SLC15A2: variants seen among roughly 807,000 people sequenced by gnomAD.
SLC15A2 encodes the protein kidney H(+)/peptide cotransporter.
SLC15A2 carries 77 observed loss-of-function variants against 95.5 expected under a neutral mutation model. The observed-to-expected ratio is 0.81, with a 90% CI of 0.67 to 0.97. SLC15A2 has a LOEUF of 0.97. Among genes scored for constraint, SLC15A2 ranks in the 50% least tolerant of loss-of-function variants. SLC15A2 has a pLI of 0.00. For missense variants in SLC15A2, 893 were observed against 874.4 expected, an observed-to-expected ratio of 1.02 and a Z score of -0.27; for synonymous variants, 306 against 306.9, an observed-to-expected ratio of 1.00 and a Z score of 0.03.
intron 6 of SLC15A2, 126 bp from the exon 7 acceptor site, chr3:121,915,490 G>T: frequency 1.2e-6 from 1 of 813,836 alleles, no homozygotes; most frequent in South Asian, 1.6e-5. Flanking sequence ...TAGGTGATGG[G>T]AGGAAAGAGG....
At chr3:121,916,199 T>C (rs947275172) in intron 7 of SLC15A2, among the ~76,000 whole-genome samples, 1 of 152,170 alleles carries the variant, frequency 6.6e-6, no homozygotes, top group Non-Finnish European at 1.5e-5. Context: ...GGTCTGCCCT[T>C]GAGTAAAGAG....
At chr3:121,910,825 A>G (rs768205906) in intron 3 of SLC15A2, among the ~76,000 whole-genome samples, 11 of 152,204 alleles carry the variant, frequency 7.2e-5, no homozygotes, top group Non-Finnish European at 1.5e-4. Context: ...ATATGTTCTT[A>G]CTGGAGTTCC....
Position 121,941,790 on chromosome 3 carries a change from T to C in SLC15A2, c.*783T>C, listed in dbSNP as rs1710468614. On this transcript the variant is annotated 3_prime_UTR_variant, in exon 22 of 22. Transcript: ENST00000489711. Reference sequence around the variant, plus strand: ...CCAGTCATTCTTTTACAGAGTACATTCTTCTTAGCCTCTATGGCGCTGGTC... The same window carrying C: ...CCAGTCATTCTTTTACAGAGTACATCCTTCTTAGCCTCTATGGCGCTGGTC... 1.3e-5 allele frequency: 2 copies of C among 152,330 alleles called. No individual in the cohort carries two copies. The highest frequency in any genetic ancestry group is 4.1e-4 in the South Asian group (2 of 4,828). 9.4% of individuals were successfully genotyped at this position (152,330 alleles called of 1,614,324 possible). A position where few individuals can be genotyped will look rare whatever the true frequency, so the allele number is the denominator to read the frequency against.
intron 17 of SLC15A2, among the ~76,000 whole-genome samples, chr3:121,930,026 TG>T (rs1169803444): frequency 6.6e-6 from 1 of 152,218 alleles, no homozygotes; most frequent in Non-Finnish European, 1.5e-5. Flanking sequence ...CATAATAACT[TG>T]CTTTTGAATA....
Position 121,939,395 on chromosome 3 carries a change from C to A in SLC15A2, c.1808C>A (p.Ala603Asp). 6.3e-7 allele frequency: 1 copy of A among 1,580,132 alleles called. No individual in the cohort carries two copies. The highest frequency in any genetic ancestry group is 8.6e-7 in the Non-Finnish European group (1 of 1,163,842). ...GCCTGGAAGATTGAAGACATTCCAGCCAACAAAATGTCCATTGCGTGGCAG... is the reference window on the plus strand; with the variant it reads ...GCCTGGAAGATTGAAGACATTCCAGACAACAAAATGTCCATTGCGTGGCAG... ...LQAWKIEDIP[A>D]NKMSIAWQLP... The change falls in exon 20 of 22, where the codon GCC becomes GAC. Residue 603 changes from alanine (A) to aspartate (D), a missense_variant. Coordinates refer to ENST00000489711, the MANE Select transcript of SLC15A2 (RefSeq NM_021082.4).
intron 2 of SLC15A2, 47 bp from the exon 3 acceptor site, chr3:121,897,341 T>A (rs747486987): frequency 1.9e-6 from 3 of 1,596,594 alleles, no homozygotes; most frequent in Non-Finnish European, 2.6e-6. Context: ...CTTTAATGCA[T>A]CTATCTTGTT....
intron 7 of SLC15A2, among the ~76,000 whole-genome samples, chr3:121,916,746 G>T (rs1185614747): frequency 6.6e-6 from 1 of 152,104 alleles, no homozygotes; most frequent in Admixed American, 6.6e-5. Context: ...GTCATTATTA[G>T]TCAGCAGCTT....
At chr3:121,940,553 C>G in intron 21 of SLC15A2, 65 bp downstream of exon 21, 5 of 1,320,212 alleles carry the variant, frequency 3.8e-6, no homozygotes, top group Non-Finnish European at 5.4e-6. Context: ...TCTCTTCTCC[C>G]TTTCCCCCAT....
chr3:121,926,915 G>A (rs1232396609), intron 13 of SLC15A2, among the ~76,000 whole-genome samples: 1 of 152,254 alleles, frequency 6.6e-6, no homozygotes, highest in Non-Finnish European at 1.5e-5. Context: ...AGTCAAAGGA[G>A]ATTATTCTGG....
At chr3:121,912,666 G>T (rs188667884) in intron 4 of SLC15A2, among the ~76,000 whole-genome samples, 3 of 152,004 alleles carry the variant, frequency 2.0e-5, no homozygotes, top group Non-Finnish European at 2.9e-5. Flanking sequence ...GTCCTTAAAG[G>T]TCTTTCCATT....
chr3:121,900,072 T>C lies in SLC15A2; in HGVS notation c.335+2543T>C, dbSNP rs530306711. On this transcript the variant is annotated intron_variant, in intron 3 of 21. Transcript: ENST00000489711. The stretch of plus-strand genomic sequence containing the variant: ...CACTCTTTCCTGAGTGTAAGCATTT[T>C]CCCAGGTTATAACTTTTACCCTCTT... Among the ~76,000 whole-genome samples the C allele has an allele frequency of 7.4e-4, 113 of 152,318 alleles. 1 individual carries two copies. The highest frequency in any genetic ancestry group is 4.6e-3 in the South Asian group (22 of 4,830).
intron 7 of SLC15A2, among the ~76,000 whole-genome samples, chr3:121,918,090 G>C (rs1384124953): frequency 1.3e-5 from 2 of 152,208 alleles, no homozygotes; most frequent in Non-Finnish European, 2.9e-5. Context: ...ATAATGTAGA[G>C]AAAGGATTGT....
rs149169862 is a variant in SLC15A2 at position 121,908,816 on chromosome 3, A to T, written c.336-2758A>T. The stretch of plus-strand genomic sequence containing the variant: ...ACATTAACTTGTTCATGATAAAACC[A>T]AAGGAATGCTGGATTATGAGTTAAA... On this transcript the variant is annotated intron_variant, in intron 3 of 21. Coordinates refer to ENST00000489711, the MANE Select transcript of SLC15A2 (RefSeq NM_021082.4). Among the ~76,000 whole-genome samples, 148 of 152,250 alleles carry T rather than the reference A, an allele frequency of 9.7e-4. 2 individuals are homozygous for T. Among genetic ancestry groups the T allele is most frequent in the Non-Finnish European group, 1.9e-3 (130 of 68,002 alleles).
intron 19 of SLC15A2, among the ~76,000 whole-genome samples, chr3:121,938,193 C>G (rs562440828): frequency 9.9e-5 from 15 of 152,182 alleles, no homozygotes; most frequent in Admixed American, 2.6e-4. Flanking sequence ...ACATTTAAGT[C>G]TGCAGAGGTT....
At position 121,931,737 on chromosome 3, in the gene SLC15A2, T is replaced by A; in HGVS notation, c.1761+2T>A. ...GCATATCTGTTTGTTATTACTAATG[T>A]AAGTAGCTCACAGCCACCTCTTTAC... On this transcript the variant is annotated splice_donor_variant, in intron 19 of 21. Transcript: ENST00000489711. LOFTEE classifies it high-confidence loss of function. 6.3e-7 allele frequency: 1 copy of A among 1,579,574 alleles called. No individual in the cohort carries two copies. The highest frequency in any genetic ancestry group is 8.7e-7 in the Non-Finnish European group (1 of 1,148,698).
chr3:121,894,408 G>A lies in SLC15A2; in HGVS notation c.-69G>A, dbSNP rs1432559843. 1 of 1,217,966 alleles carries A rather than the reference G, an allele frequency of 8.2e-7. No homozygotes were observed. The highest frequency in any genetic ancestry group is 1.2e-6 in the Non-Finnish European group (1 of 845,968). 75.4% of individuals were successfully genotyped at this position (1,217,966 alleles called of 1,614,324 possible). ...CTCCCAGTCCTTCTTTTCAGAGTAG[G>A]CTGGCAGCTGTCCTAACTGCCTACT... On this transcript the variant is annotated 5_prime_UTR_variant, in exon 1 of 22. Coordinates refer to ENST00000489711, the MANE Select transcript of SLC15A2 (RefSeq NM_021082.4).
chr3:121,914,372 A>T (rs1405436059), intron 5 of SLC15A2, among the ~76,000 whole-genome samples: 1 of 152,184 alleles, frequency 6.6e-6, no homozygotes, highest in Non-Finnish European at 1.5e-5. Context: ...AAGTTGTTTC[A>T]TTTGGTAACT....
In SLC15A2 at chr3:121,929,055, ATTTGTCTCT is replaced by A; in HGVS notation, c.1416_1424del (p.Leu473_Leu475del). 1 of 1,614,154 alleles carries A rather than the reference ATTTGTCTCT, an allele frequency of 6.2e-7. No individual in the cohort carries two copies. Among genetic ancestry groups the A allele is most frequent in the Non-Finnish European group, 8.5e-7 (1 of 1,180,000 alleles). On this transcript the variant is annotated inframe_deletion, in exon 16 of 22. Transcript: ENST00000489711. ...TTTCACTTCCACCTGAAATATCACA[ATTTGTCTCT>A]CTACACTGAGCATTCTGTGCAGGAG...
At chr3:121,928,903 C>T in intron 15 of SLC15A2, 79 bp from the exon 16 acceptor site, 3 of 1,491,364 alleles carry the variant, frequency 2.0e-6, no homozygotes, top group South Asian at 2.5e-5. Flanking sequence ...AGGTCACCTA[C>T]CCTGAGATGC....
Sources: gnomAD v4.1 joint callset for allele counts (sites outside exome capture counted in the v4.1 genomes callset) on GRCh38, gnomAD v4.1.1 for gene constraint, MANE v1.5 for transcripts, NCBI Gene and HGNC (gene_info 2026-07-23, HGNC 2026-07-21) for gene names.